Variants in EML5 observed in about 807,000 individuals in gnomAD.
EML5 encodes EMAP like 5.
In EML5, 120 loss-of-function variants were observed where a neutral mutation model predicts 250.0. That is an observed-to-expected ratio of 0.48 (90% CI 0.41 to 0.56). The LOEUF (loss-of-function observed/expected upper bound fraction) is 0.56. Among genes scored for constraint, EML5 ranks in the 20% least tolerant of loss-of-function variants. EML5 has a pLI of 0.00. For missense variants in EML5, 2,006 were observed against 2,437.6 expected, an observed-to-expected ratio of 0.82 and a Z score of 3.73; for synonymous variants, 771 against 806.5, an observed-to-expected ratio of 0.96 and a Z score of 0.75.
chr14:88,662,226 T>C (rs1488405838), intron 24 of EML5, among the ~76,000 whole-genome samples: 6 of 150,976 alleles, frequency 4.0e-5, no homozygotes, highest in African/African-American at 1.5e-4. Context: ...GTCTCTCCCT[T>C]CATTAAGACA....
rs2087463716 is a variant in EML5, at chr14:88,615,557, A to G, written c.*261T>C. The G allele has an allele frequency of 7.4e-6, 3 of 405,722 alleles. No homozygotes were observed. The highest frequency in any genetic ancestry group is 1.3e-5 in the Non-Finnish European group (3 of 229,214). The allele number at this position is 405,722 out of a possible 1,614,324, so 25.1% of individuals were successfully genotyped here. ...GCCGAAATCACACACTTCCCAATAC[A>G]GGGGGACTTGGCCTTTACCATCAAG... On this transcript the variant is annotated 3_prime_UTR_variant, in exon 44 of 44. Coordinates refer to ENST00000554922, the MANE Select transcript of EML5 (RefSeq NM_183387.3).
intron 30 of EML5, 130 bp from the exon 31 acceptor site, chr14:88,643,152 T>A: frequency 1.1e-6 from 1 of 900,478 alleles, no homozygotes; most frequent in Non-Finnish European, 1.6e-6. Flanking sequence ...TTTTACAAAC[T>A]TAATATACAA....
chr14:88,740,702 T>C (rs1332497636), intron 4 of EML5, 130 bp from the exon 5 acceptor site: 1 of 740,812 alleles, frequency 1.3e-6, no homozygotes, highest in East Asian at 2.7e-5. Context: ...TATGATAAAA[T>C]AGCATTCAAT....
At chr14:88,783,656 A>G (rs1369064243) in intron 1 of EML5, among the ~76,000 whole-genome samples, 1 of 152,202 alleles carries the variant, frequency 6.6e-6, no homozygotes, top group Non-Finnish European at 1.5e-5. Context: ...GAGCACTTAG[A>G]TATATAAAGC....
At chr14:88,650,999 A>C (rs1378507042) in intron 27 of EML5, among the ~76,000 whole-genome samples, 1 of 152,060 alleles carries the variant, frequency 6.6e-6, no homozygotes, top group Non-Finnish European at 1.5e-5. Flanking sequence ...TGTTACTAAA[A>C]AGCAATTATT....
At chr14:88,651,653 A>T (rs1241056926) in intron 27 of EML5, among the ~76,000 whole-genome samples, 1 of 151,984 alleles carries the variant, frequency 6.6e-6, no homozygotes, top group African/African-American at 2.4e-5. Flanking sequence ...AGGAGACATA[A>T]TTTTCCTTAA....
intron 20 of EML5, among the ~76,000 whole-genome samples, chr14:88,683,306 A>T (rs915915112): frequency 6.6e-6 from 1 of 152,192 alleles, no homozygotes; most frequent in Non-Finnish European, 1.5e-5. Context: ...CTCAAACACT[A>T]ATCTAGGGAA....
In EML5 at chr14:88,689,571, A is replaced by C. The variant is rs545353259; in HGVS notation, c.2540-1098T>G. On this transcript the variant is annotated intron_variant, in intron 17 of 43. Transcript: ENST00000554922. ...AATTCCTTCCTTCCTTCCTTCCTTCATTCAAGAAATATATTAGCTGGGTAT... is the reference window on the plus strand; with the variant it reads ...AATTCCTTCCTTCCTTCCTTCCTTCCTTCAAGAAATATATTAGCTGGGTAT... 4.0e-5 allele frequency among the ~76,000 whole-genome samples: 6 copies of C among 151,830 alleles called. No homozygotes were observed. The South Asian group carries it at 1.2e-3, about 32-fold the overall frequency.
rs1413484210 is a variant in EML5 at position 88,642,930 on chromosome 14, G to A, written c.4200C>T (p.His1400=). ...TGTGCAGAATTCCAACAGATGCAGT[G>A]TGATAAATTATATCATCACCATCAT... The part of the protein sequence containing the change: ...YLNDGDDIIY[H]TASVGILHNV... Residue 1400 remains histidine (H), a synonymous_variant, in exon 31 of 44, where the codon CAC becomes CAT. Transcript: ENST00000554922. The A allele has an allele frequency of 1.9e-6, 3 of 1,606,520 alleles. No homozygotes were observed. The highest frequency in any genetic ancestry group is 2.2e-5 in the South Asian group (2 of 89,170).
At chr14:88,724,014 T>C (rs2093628778) in intron 8 of EML5, among the ~76,000 whole-genome samples, 1 of 151,714 alleles carries the variant, frequency 6.6e-6, no homozygotes, top group Admixed American at 6.6e-5. Flanking sequence ...CTCACGCCTG[T>C]AATCCCAGCA....
chr14:88,638,713 TAAATC>T lies in EML5; in HGVS notation c.4336+91_4336+95del, dbSNP rs551878086. ...GTATACATAGATTTTGAACAATCGA[TAAATC>T]AATAAAATTTTGATTTTTTCCTTGG... On this transcript the variant is annotated intron_variant, in intron 32 of 43. Transcript: ENST00000554922. 7.5e-4 allele frequency: 775 copies of T among 1,037,260 alleles called. No homozygotes were observed. The Middle Eastern group carries it at 0.01, about 14-fold the overall frequency. The allele number at this position is 1,037,260 out of a possible 1,614,324, so 64.3% of individuals were successfully genotyped here.
At chr14:88,679,303 T>C (rs1420024312) in intron 21 of EML5, among the ~76,000 whole-genome samples, 2 of 151,782 alleles carry the variant, frequency 1.3e-5, no homozygotes, top group Admixed American at 6.6e-5. Context: ...AATACAATAG[T>C]AATGAATTAT....
intron 33 of EML5, among the ~76,000 whole-genome samples, chr14:88,629,053 A>C (rs2090257115): frequency 6.6e-6 from 1 of 152,102 alleles, no homozygotes. Context: ...GGTAAACTTA[A>C]CCTCAATAAA....
chr14:88,646,929 C>A lies in EML5; in HGVS notation c.4028+18G>T. 1 of 1,590,044 alleles carries A rather than the reference C, an allele frequency of 6.3e-7. No homozygotes were observed. Among genetic ancestry groups the A allele is most frequent in the South Asian group, 1.1e-5 (1 of 89,132 alleles). On this transcript the variant is annotated intron_variant, in intron 29 of 43. Coordinates refer to ENST00000554922, the MANE Select transcript of EML5 (RefSeq NM_183387.3). The stretch of plus-strand genomic sequence containing the variant: ...AATACAAAGTTAGGCTTTGTAAACA[C>A]AGCAAAGAGAGGATTACCTGGAACC...
intron 27 of EML5, among the ~76,000 whole-genome samples, chr14:88,655,346 T>C (rs1352070142): frequency 1.3e-5 from 2 of 152,144 alleles, no homozygotes; most frequent in African/African-American, 4.8e-5. Flanking sequence ...AATCTGATCT[T>C]TGACAAACCT....
In EML5 at chr14:88,715,163, C is replaced by A; in HGVS notation, c.1220G>T (p.Arg407Met). The A allele has an allele frequency of 6.2e-7, 1 of 1,604,032 alleles. No homozygotes were observed. Among genetic ancestry groups the A allele is most frequent in the South Asian group, 1.1e-5 (1 of 89,710 alleles). Reference protein sequence around the residue: ...DMTEVVHIKDRKEAIHELKYS... With the variant: ...DMTEVVHIKDMKEAIHELKYS... Reference sequence around the variant, plus strand: ...TTTTAACTCATGAATTGCCTCCTTCCTATCTTTAATATGTACAACTTCCGT... The same window carrying A: ...TTTTAACTCATGAATTGCCTCCTTCATATCTTTAATATGTACAACTTCCGT... The change falls in exon 9 of 44, where the codon AGG (arginine) becomes ATG (methionine). Residue 407 changes from arginine to methionine, a missense_variant. Coordinates refer to ENST00000554922, the MANE Select transcript of EML5 (RefSeq NM_183387.3).
chr14:88,630,853 G>A (rs1037666321), intron 33 of EML5, among the ~76,000 whole-genome samples: 1 of 152,154 alleles, frequency 6.6e-6, no homozygotes, highest in African/African-American at 2.4e-5. Context: ...CAGCCTTATC[G>A]GTGAAGCCAA....
intron 27 of EML5, among the ~76,000 whole-genome samples, chr14:88,651,145 T>G (rs1185727044): frequency 6.9e-6 from 1 of 145,716 alleles, no homozygotes; most frequent in East Asian, 2.0e-4. Context: ...ACTTCTGCCT[T>G]GTCATTTTCT....
At position 88,627,719 on chromosome 14, in the gene EML5, A is replaced by G; in HGVS notation, c.4458T>C (p.Ser1486=). The G allele has an allele frequency of 6.2e-7, 1 of 1,613,424 alleles. No individual in the cohort carries two copies. Among genetic ancestry groups the G allele is most frequent in the Non-Finnish European group, 8.5e-7 (1 of 1,179,662 alleles). ...HSKGVCSVSF[S]ATGKLLLSVG... is the part of the protein sequence containing the mutation. ...CAGACAGCAATAGTTTGCCAGTAGC[A>G]CTGAAGCTGACTGAACATACTCCCT... The change falls in exon 34 of 44, where the codon AGT becomes AGC. Residue 1486 remains serine, a synonymous_variant. Coordinates refer to ENST00000554922, the MANE Select transcript of EML5 (RefSeq NM_183387.3).
Sources: allele counts gnomAD v4.1 joint callset (sites outside exome capture counted in the v4.1 genomes callset), GRCh38; gene constraint gnomAD v4.1.1; transcripts MANE v1.5; gene names NCBI Gene and HGNC (gene_info 2026-07-23, HGNC 2026-07-21).